PCDH11X: variants seen among roughly 807,000 people sequenced by gnomAD.
PCDH11X encodes protocadherin-11 X-linked.
A neutral mutation model predicts 53.3 loss-of-function variants in PCDH11X; 18 were observed. That is an observed-to-expected ratio of 0.34 (90% CI 0.23 to 0.50). PCDH11X has a LOEUF of 0.50. Among genes scored for constraint, PCDH11X ranks in the 20% least tolerant of loss-of-function variants. The pLI, the probability that PCDH11X is intolerant of heterozygous loss-of-function variation, is 0.98. For missense variants in PCDH11X, 570 were observed against 1,032.4 expected (o/e 0.55, Z 6.14); for synonymous variants, 279 against 393.3 (o/e 0.71, Z 3.44).
intron 5 of PCDH11X, among the ~76,000 whole-genome samples, chrX:91,837,218 A>T (rs1056050307): frequency 9.1e-6 from 1 of 110,388 alleles, no homozygotes; most frequent in African/African-American, 3.3e-5. Flanking sequence ...TCATTCAGGA[A>T]TGGAAGGCTA....
rs866052611 is a variant in PCDH11X at position 92,339,663 on chromosome X, A to G, written c.3145-48072A>G. On this transcript the variant is annotated intron_variant, in intron 8 of 10. Transcript: ENST00000682573. ...CAGATCTGACAAGAAGTTGCTCACT[A>G]TTGTGAGGACAGAATCAAGGGGATG... 2.2e-3 allele frequency among the ~76,000 whole-genome samples: 238 copies of G among 109,133 alleles called. 1 individual carries two copies. Among genetic ancestry groups the G allele is most frequent in the Non-Finnish European group, 4.0e-3 (211 of 52,444 alleles). The allele number at this position is 109,133 out of a possible 115,157, so 94.8% of individuals were successfully genotyped here.
intron 5 of PCDH11X, among the ~76,000 whole-genome samples, chrX:91,864,180 C>T (rs1208141301): frequency 9.0e-6 from 1 of 111,183 alleles, no homozygotes; most frequent in African/African-American, 3.3e-5. Context: ...GGGCAGATCT[C>T]GTGTTGATGA....
intron 5 of PCDH11X, among the ~76,000 whole-genome samples, chrX:91,871,044 G>A (rs924088561): frequency 1.7e-4 from 19 of 110,290 alleles, no homozygotes; most frequent in Non-Finnish European, 2.8e-4. Flanking sequence ...TCTAGAAGTA[G>A]TGCATAGACT....
At chrX:92,542,126 A>G (rs1040909507) in intron 10 of PCDH11X, among the ~76,000 whole-genome samples, 1 of 111,755 alleles carries the variant, frequency 8.9e-6, no homozygotes, top group African/African-American at 3.3e-5. Context: ...CATATTTAAG[A>G]TGAAATTTGT....
chrX:92,297,256 C>A (rs919108391), intron 8 of PCDH11X, among the ~76,000 whole-genome samples: 24 of 107,539 alleles, frequency 2.2e-4, no homozygotes, highest in African/African-American at 8.1e-4. Context: ...CCTGGGTTAT[C>A]TTCCAGTGTT....
chrX:92,258,597 G>A (rs1257126009), intron 7 of PCDH11X, among the ~76,000 whole-genome samples: 1 of 110,620 alleles, frequency 9.0e-6, no homozygotes, highest in African/African-American at 3.3e-5. Flanking sequence ...TCAATCTCCT[G>A]ACCTCGTGAT....
At chrX:92,072,249 C>T (rs1283926536) in intron 6 of PCDH11X, among the ~76,000 whole-genome samples, 4 of 110,831 alleles carry the variant, frequency 3.6e-5, no homozygotes, top group African/African-American at 1.3e-4. Flanking sequence ...TAGGCGTGAA[C>T]TCAGGAACCC....
chrX:92,417,167 A>G (rs1316934204), intron 9 of PCDH11X, among the ~76,000 whole-genome samples: 2 of 112,040 alleles, frequency 1.8e-5, no homozygotes, highest in Admixed American at 9.5e-5. Context: ...GTAGCAATAA[A>G]TGAAAATTCT....
In PCDH11X at chrX:91,877,671, G is replaced by A. The variant is rs762238158; in HGVS notation, c.1431G>A (p.Glu477=). 1.7e-6 allele frequency: 2 copies of A among 1,210,938 alleles called. No individual in the cohort carries two copies. Among genetic ancestry groups the A allele is most frequent in the Admixed American group, 4.4e-5 (2 of 45,929 alleles). The change falls in exon 6 of 11, where the codon GAG becomes GAA. Residue 477 remains glutamate, a synonymous_variant. Coordinates refer to ENST00000682573, the MANE Select transcript of PCDH11X (RefSeq NM_032968.5). The part of the protein sequence containing the change: ...TQSFVTVSIP[E]NNSPGIQLTK... ...CTTTCGTAACTGTTTCTATTCCTGA[G>A]AATAACTCTCCTGGCATCCAGTTGA...
chrX:92,444,800 A>T, intron 9 of PCDH11X, among the ~76,000 whole-genome samples: 1 of 102,230 alleles, frequency 9.8e-6, no homozygotes, highest in Non-Finnish European at 2.0e-5. Context: ...TCTATTGAGA[A>T]AAATAGTTTA....
chrX:91,899,022 G>A (rs1291908798), intron 6 of PCDH11X, among the ~76,000 whole-genome samples: 4 of 110,856 alleles, frequency 3.6e-5, no homozygotes, highest in Non-Finnish European at 7.5e-5. Context: ...CCAATACCAC[G>A]TTTATTAGGG....
intron 4 of PCDH11X, among the ~76,000 whole-genome samples, chrX:91,819,296 A>G (rs1936555691): frequency 9.2e-6 from 1 of 108,343 alleles, no homozygotes; most frequent in African/African-American, 3.4e-5. Context: ...TTTAAAGAAG[A>G]GGAATCTAAA....
chrX:91,988,532 T>C (rs1374537072), intron 6 of PCDH11X, among the ~76,000 whole-genome samples: 1 of 112,743 alleles, frequency 8.9e-6, no homozygotes, highest in Non-Finnish European at 1.9e-5. Flanking sequence ...GTAATTACAT[T>C]ACCTATGATA....
At chrX:92,434,064 C>G (rs1234233559) in intron 9 of PCDH11X, among the ~76,000 whole-genome samples, 42 of 111,049 alleles carry the variant, frequency 3.8e-4, no homozygotes, top group African/African-American at 9.5e-4. Flanking sequence ...CTTCTAAGAT[C>G]ACAAAGCATA....
chrX:92,613,742 T>C (rs1295371809), intron 10 of PCDH11X, among the ~76,000 whole-genome samples: 2 of 110,720 alleles, frequency 1.8e-5, no homozygotes, highest in Non-Finnish European at 3.8e-5. Flanking sequence ...TTTTCCAAGT[T>C]ACCTACATTG....
intron 6 of PCDH11X, among the ~76,000 whole-genome samples, chrX:92,002,022 T>C: frequency 9.8e-6 from 1 of 101,595 alleles, no homozygotes; most frequent in Non-Finnish European, 2.0e-5. Context: ...TGTAATAGCC[T>C]TTGACTTTGG....
At chrX:91,792,366 CT>C (rs1168618129) in intron 1 of PCDH11X, among the ~76,000 whole-genome samples, 1 of 110,904 alleles carries the variant, frequency 9.0e-6, no homozygotes, top group African/African-American at 3.3e-5. Flanking sequence ...AGTTTCATAA[CT>C]TTAAGTCATT....
chrX:92,099,627 G>A (rs62605348), intron 6 of PCDH11X, among the ~76,000 whole-genome samples: 8,363 of 111,310 alleles, frequency 0.075, 467 homozygotes, highest in East Asian at 0.44. Flanking sequence ...GCAGGTTTTG[G>A]CCCATAGAAA....
At chrX:91,921,218 C>T (rs1204797367) in intron 6 of PCDH11X, among the ~76,000 whole-genome samples, 3 of 109,131 alleles carry the variant, frequency 2.7e-5, no homozygotes, top group Non-Finnish European at 5.7e-5. Context: ...AGAGATTTCC[C>T]GTATCTTCTC....
Sources: allele counts gnomAD v4.1 joint callset (sites outside exome capture counted in the v4.1 genomes callset), GRCh38; gene constraint gnomAD v4.1.1; transcripts MANE v1.5; gene names NCBI Gene and HGNC (gene_info 2026-07-23, HGNC 2026-07-21).